ASTN2: variants seen among roughly 807,000 people sequenced by gnomAD.
ASTN2 encodes astrotactin-2.
Under a neutral mutation model 139.8 loss-of-function variants are expected in ASTN2, and 54 were observed. That is an observed-to-expected ratio of 0.39 (90% CI 0.31 to 0.48). The LOEUF (loss-of-function observed/expected upper bound fraction) is 0.48, where lower values mean the gene tolerates loss of function less well. Ranked by LOEUF, ASTN2 falls within the 20% of genes least tolerant of loss-of-function variation. ASTN2 has a pLI of 0.95. For synonymous variants in ASTN2, 756 were observed against 719.5 expected (o/e 1.05, Z -0.81); for missense variants, 1,565 against 1,725.1 (o/e 0.91, Z 1.64).
At position 117,039,975 on chromosome 9, in the gene ASTN2, A is replaced by G; in HGVS notation, c.1277-10T>C. On this transcript the variant is annotated splice_polypyrimidine_tract_variant and intron_variant, in intron 5 of 22. Coordinates refer to ENST00000313400, the MANE Select transcript of ASTN2 (RefSeq NM_001365068.1). ...GGGCTTTTCAGCAAACCTGGTAACA[A>G]GAACATACACAAAGACACAAAATTC... The G allele has an allele frequency of 6.2e-7, 1 of 1,607,682 alleles. No individual in the cohort carries two copies. Among genetic ancestry groups the G allele is most frequent in the Non-Finnish European group, 8.5e-7 (1 of 1,176,420 alleles).
At chr9:117,364,037 T>A (rs1485728650) in intron 1 of ASTN2, among the ~76,000 whole-genome samples, 1 of 152,210 alleles carries the variant, frequency 6.6e-6, no homozygotes, top group Non-Finnish European at 1.5e-5. Context: ...TAACATTTTC[T>A]GAGTCATATT....
At chr9:116,672,287 G>A (rs1019968260) in intron 16 of ASTN2, among the ~76,000 whole-genome samples, 23 of 151,864 alleles carry the variant, frequency 1.5e-4, no homozygotes, top group African/African-American at 5.1e-4. Flanking sequence ...GATCACTTGA[G>A]CCAGGGAGGT....
intron 19 of ASTN2, among the ~76,000 whole-genome samples, chr9:116,580,174 G>A (rs1338182961): frequency 6.6e-6 from 1 of 152,154 alleles, no homozygotes; most frequent in Non-Finnish European, 1.5e-5. Flanking sequence ...GCCCTTCGTT[G>A]TTTCACATTT....
intron 1 of ASTN2, among the ~76,000 whole-genome samples, chr9:117,321,432 T>C (rs1424137037): frequency 6.6e-6 from 1 of 152,164 alleles, no homozygotes; most frequent in East Asian, 1.9e-4. Flanking sequence ...TAGACTCCTA[T>C]CCAAAGCTGT....
intron 2 of ASTN2, among the ~76,000 whole-genome samples, chr9:117,270,063 A>G (rs1037022920): frequency 6.6e-6 from 1 of 152,206 alleles, no homozygotes. Context: ...ATTTAAACCC[A>G]AATTTGTCCA....
intron 10 of ASTN2, among the ~76,000 whole-genome samples, chr9:116,874,752 C>T (rs982434803): frequency 6.6e-6 from 1 of 152,152 alleles, no homozygotes; most frequent in Non-Finnish European, 1.5e-5. Flanking sequence ...TTTATTGTAC[C>T]TCACTTTATT....
intron 14 of ASTN2, among the ~76,000 whole-genome samples, chr9:116,732,393 C>G (rs185568558): frequency 3.4e-4 from 52 of 152,316 alleles, no homozygotes; most frequent in East Asian, 3.3e-3. Flanking sequence ...TTAGATGACT[C>G]TTTTGAGGTT....
rs985348738 is a variant in ASTN2, at chr9:116,716,868, C to A, written c.2806+8903G>T. ...CAAGCTGAAGGTCTAAATTCCAAGT[C>A]TTAGCTTTCCTAATTTCTTTTACCT... On this transcript the variant is annotated intron_variant, in intron 16 of 22. Coordinates refer to ENST00000313400, the MANE Select transcript of ASTN2 (RefSeq NM_001365068.1). 2.6e-5 allele frequency among the ~76,000 whole-genome samples: 4 copies of A among 152,308 alleles called. No homozygotes were observed. In the East Asian group the frequency reaches 7.7e-4, roughly 29 times the overall value.
At chr9:116,679,453 G>A (rs1473788620) in intron 16 of ASTN2, among the ~76,000 whole-genome samples, 1 of 152,064 alleles carries the variant, frequency 6.6e-6, no homozygotes, top group African/African-American at 2.4e-5. Context: ...CCGAAATTAT[G>A]TAAAACTCCT....
intron 10 of ASTN2, among the ~76,000 whole-genome samples, chr9:116,920,709 G>A (rs932727422): frequency 2.6e-5 from 4 of 152,098 alleles, no homozygotes; most frequent in East Asian, 1.9e-4. Context: ...CCAGGACCCC[G>A]GTATGTGTTC....
chr9:117,330,906 T>A (rs1331897437), intron 1 of ASTN2, among the ~76,000 whole-genome samples: 2 of 152,130 alleles, frequency 1.3e-5, no homozygotes, highest in Non-Finnish European at 2.9e-5. Flanking sequence ...TGAGGACACA[T>A]TGGGTAGAGC....
At chr9:116,623,147 CTGTGTGTGTGTGTGTGTGTGTGTG>C (rs10527124) in intron 17 of ASTN2, among the ~76,000 whole-genome samples, 17 of 137,214 alleles carry the variant, frequency 1.2e-4, no homozygotes, top group South Asian at 2.6e-4. Context: ...AGAGCATACT[CTGTGTGTGTGTGTGTGTGTGTGTG>C]TGTGTGTGTG....
intron 13 of ASTN2, among the ~76,000 whole-genome samples, chr9:116,739,862 T>C (rs1829053494): frequency 6.6e-6 from 1 of 152,234 alleles, no homozygotes. Flanking sequence ...GAGACAATGG[T>C]AATGTGTGCA....
chr9:116,656,627 C>A (rs938988068), intron 16 of ASTN2, among the ~76,000 whole-genome samples: 10 of 149,294 alleles, frequency 6.7e-5, no homozygotes, highest in Non-Finnish European at 1.3e-4. Flanking sequence ...AACCTGCCAA[C>A]TGAACTCTCT....
chr9:117,086,029 A>G (rs1564419036), intron 5 of ASTN2, among the ~76,000 whole-genome samples: 1 of 152,236 alleles, frequency 6.6e-6, no homozygotes. Context: ...GGTATTGTTT[A>G]GAATAATATG....
chr9:116,722,601 C>T (rs1030867312), intron 16 of ASTN2, among the ~76,000 whole-genome samples: 1 of 152,140 alleles, frequency 6.6e-6, no homozygotes, highest in African/African-American at 2.4e-5. Flanking sequence ...TGGCCTTTTG[C>T]CTCTGTAAGT....
chr9:116,974,288 G>A (rs1836287051), intron 10 of ASTN2, among the ~76,000 whole-genome samples: 1 of 152,152 alleles, frequency 6.6e-6, no homozygotes, highest in South Asian at 2.1e-4. Context: ...TTTAATAGAT[G>A]TCCAATATGT....
At chr9:116,775,842 A>C (rs1182098508) in intron 13 of ASTN2, among the ~76,000 whole-genome samples, 1 of 151,490 alleles carries the variant, frequency 6.6e-6, no homozygotes, top group Non-Finnish European at 1.5e-5. Context: ...GAAGGCAGGC[A>C]GGCAGGCAGG....
At chr9:116,739,372 C>T (rs1253946383) in intron 13 of ASTN2, among the ~76,000 whole-genome samples, 1 of 152,152 alleles carries the variant, frequency 6.6e-6, no homozygotes, top group Admixed American at 6.5e-5. Flanking sequence ...GCCACAGCCC[C>T]CTGGGCCACT....
Sources: allele counts gnomAD v4.1 joint callset (sites outside exome capture counted in the v4.1 genomes callset), GRCh38; gene constraint gnomAD v4.1.1; transcripts MANE v1.5; gene names NCBI Gene and HGNC (gene_info 2026-07-23, HGNC 2026-07-21).